PARP8: variants seen among roughly 807,000 people sequenced by gnomAD.
The protein encoded by PARP8 is poly(ADP-ribose) polymerase family member 8.
Under a neutral mutation model 124.1 loss-of-function variants are expected in PARP8, and 51 were observed. That is an observed-to-expected ratio of 0.41 (90% CI 0.33 to 0.52). The LOEUF (loss-of-function observed/expected upper bound fraction) is 0.52. Ranked by LOEUF, PARP8 falls within the 20% of genes least tolerant of loss-of-function variation. The pLI is 0.21. For synonymous variants in PARP8, 391 were observed against 361.5 expected, an observed-to-expected ratio of 1.08 and a Z score of -0.93; for missense variants, 860 against 1,018.9, an observed-to-expected ratio of 0.84 and a Z score of 2.12.
intron 3 of PARP8, among the ~76,000 whole-genome samples, chr5:50,757,386 GT>G (rs1358440388): frequency 6.6e-6 from 1 of 152,086 alleles, no homozygotes; most frequent in Non-Finnish European, 1.5e-5. Flanking sequence ...AATTGAACCA[GT>G]TTTCTAGGTT....
chr5:50,688,475 A>G (rs1275998992), intron 2 of PARP8, among the ~76,000 whole-genome samples: 1 of 152,224 alleles, frequency 6.6e-6, no homozygotes, highest in African/African-American at 2.4e-5. Context: ...AATATGTCAT[A>G]ATGAACAAAC....
chr5:50,795,183 C>T lies in PARP8; in HGVS notation c.1194C>T (p.Asn398=). 6.2e-7 allele frequency: 1 copy of T among 1,614,152 alleles called. No individual in the cohort carries two copies. The highest frequency in any genetic ancestry group is 8.5e-7 in the Non-Finnish European group (1 of 1,180,002). ...SCSGDPRCEH[N]TNLKPHKLLS... ...CTGGAGATCCACGATGTGAGCACAACACAAACTTGAAGCCCCATAAACTGT... is the reference window on the plus strand; with the variant it reads ...CTGGAGATCCACGATGTGAGCACAATACAAACTTGAAGCCCCATAAACTGT... The change falls in exon 12 of 26, where the codon AAC becomes AAT. Residue 398 remains asparagine (N), a synonymous_variant. Coordinates refer to ENST00000281631, the MANE Select transcript of PARP8 (RefSeq NM_024615.4).
At chr5:50,729,446 T>C (rs78771103) in intron 2 of PARP8, among the ~76,000 whole-genome samples, 2,140 of 152,274 alleles carry the variant, frequency 0.014, 36 homozygotes, top group Non-Finnish European at 0.025. Context: ...GAAAGGTATT[T>C]GGACCAAAGG....
At chr5:50,671,171 TTC>T (rs1472193993) in intron 2 of PARP8, among the ~76,000 whole-genome samples, 1 of 152,230 alleles carries the variant, frequency 6.6e-6, no homozygotes, top group Non-Finnish European at 1.5e-5. Flanking sequence ...CATACTTATC[TTC>T]TGTCTCTTTC....
chr5:50,759,865 A>G, intron 4 of PARP8, 133 bp downstream of exon 4: 2 of 1,096,954 alleles, frequency 1.8e-6, no homozygotes, highest in Non-Finnish European at 2.4e-6. Flanking sequence ...CTCCATACAA[A>G]TTTTCTATCT....
At chr5:50,732,362 T>C (rs1458645568) in intron 2 of PARP8, among the ~76,000 whole-genome samples, 3 of 152,234 alleles carry the variant, frequency 2.0e-5, no homozygotes, top group African/African-American at 7.2e-5. Context: ...ATATTACTTA[T>C]AATTTTTAAA....
chr5:50,799,206 C>T (rs1472516750), intron 14 of PARP8, among the ~76,000 whole-genome samples: 5 of 152,214 alleles, frequency 3.3e-5, no homozygotes, highest in Non-Finnish European at 5.9e-5. Context: ...TTATGTCTTA[C>T]ATTTAAGTCA....
In PARP8 at chr5:50,667,170, G is replaced by A. The variant is rs1279574530; in HGVS notation, c.75G>A (p.Lys25=). The change falls in exon 1 of 26, where the codon AAG becomes AAA. Residue 25 remains lysine, a synonymous_variant. Coordinates refer to ENST00000281631, the MANE Select transcript of PARP8 (RefSeq NM_024615.4). ...TGATCCAGAAGTCCAGAGCTGAGAA[G>A]GACTGCCTGTTTGCAGGTGAGTTCT... ...DVVIQKSRAE[K]DCLFADFRYS... 14 of 1,596,282 alleles carry A rather than the reference G, an allele frequency of 8.8e-6. No homozygotes were observed. The East Asian group carries it at 2.2e-4, about 25-fold the overall frequency.
chr5:50,670,000 T>C (rs1749819753), intron 2 of PARP8, among the ~76,000 whole-genome samples: 1 of 152,230 alleles, frequency 6.6e-6, no homozygotes. Context: ...AAATACAATA[T>C]GTAAAAAGTT....
chr5:50,759,741 A>G lies in PARP8; in HGVS notation c.274+9A>G. Reference sequence around the variant, plus strand: ...TCATAGAATAGCAACAGGTAATAGTAGTATTATTTTTTATACTAGGTTAAT... The same window carrying G: ...TCATAGAATAGCAACAGGTAATAGTGGTATTATTTTTTATACTAGGTTAAT... On this transcript the variant is annotated intron_variant, in intron 4 of 25. Coordinates refer to ENST00000281631, the MANE Select transcript of PARP8 (RefSeq NM_024615.4). 1 of 1,549,428 alleles carries G rather than the reference A, an allele frequency of 6.5e-7. No individual in the cohort carries two copies. The highest frequency in any genetic ancestry group is 8.6e-7 in the Non-Finnish European group (1 of 1,158,804).
rs1185028854 is a variant in PARP8 at position 50,682,532 on chromosome 5, G to A, written c.146+14407G>A. On this transcript the variant is annotated intron_variant, in intron 2 of 25. Coordinates refer to ENST00000281631, the MANE Select transcript of PARP8 (RefSeq NM_024615.4). ...ACCTTGTTACTGCAGAAATGTAGAAGTTTGACATTTTAAGTATCAAATATT... is the reference window on the plus strand; with the variant it reads ...ACCTTGTTACTGCAGAAATGTAGAAATTTGACATTTTAAGTATCAAATATT... 2.0e-5 allele frequency among the ~76,000 whole-genome samples: 3 copies of A among 152,162 alleles called. No homozygotes were observed. The East Asian group carries it at 5.8e-4, about 29-fold the overall frequency.
intron 2 of PARP8, among the ~76,000 whole-genome samples, chr5:50,693,771 G>T: frequency 6.6e-6 from 1 of 151,142 alleles, no homozygotes; most frequent in Middle Eastern, 3.5e-3. Flanking sequence ...AAGCTATGTG[G>T]ATTAATTATA....
At chr5:50,695,627 C>T (rs1344931323) in intron 2 of PARP8, among the ~76,000 whole-genome samples, 1 of 152,068 alleles carries the variant, frequency 6.6e-6, no homozygotes, top group African/African-American at 2.4e-5. Flanking sequence ...CGATTTCATT[C>T]TAATATTTGC....
intron 3 of PARP8, among the ~76,000 whole-genome samples, chr5:50,758,731 C>G (rs1760226489): frequency 6.6e-6 from 1 of 152,092 alleles, no homozygotes; most frequent in Non-Finnish European, 1.5e-5. Context: ...AAAAGCTCTT[C>G]TGAGAGATGC....
intron 25 of PARP8, among the ~76,000 whole-genome samples, chr5:50,838,915 A>G (rs774149195): frequency 6.6e-6 from 1 of 151,144 alleles, no homozygotes; most frequent in African/African-American, 2.4e-5. Context: ...ACCTTCCCTG[A>G]CCTCCCAGTC....
chr5:50,773,768 T>A (rs1580290930), intron 7 of PARP8, among the ~76,000 whole-genome samples: 1 of 152,174 alleles, frequency 6.6e-6, no homozygotes, highest in African/African-American at 2.4e-5. Context: ...TTAATAATAT[T>A]CTTCCATCCA....
At chr5:50,675,749 C>G (rs1373879875) in intron 2 of PARP8, among the ~76,000 whole-genome samples, 1 of 151,934 alleles carries the variant, frequency 6.6e-6, no homozygotes, top group Admixed American at 6.6e-5. Context: ...CCTTTCACAT[C>G]TGTGAAGGAA....
At chr5:50,667,589 C>G in intron 1 of PARP8, 1 of 699,214 alleles carries the variant, frequency 1.4e-6, no homozygotes, top group Non-Finnish European at 2.6e-6. Context: ...GCCTGCTGCG[C>G]TGCGCTGCGC....
intron 16 of PARP8, among the ~76,000 whole-genome samples, chr5:50,821,644 C>T (rs1748316530): frequency 6.6e-6 from 1 of 152,146 alleles, no homozygotes; most frequent in Non-Finnish European, 1.5e-5. Flanking sequence ...TTAGTTCATA[C>T]TGTTAATGGA....
Sources: allele counts gnomAD v4.1 joint callset (sites outside exome capture counted in the v4.1 genomes callset), GRCh38; gene constraint gnomAD v4.1.1; transcripts MANE v1.5; gene names NCBI Gene and HGNC (gene_info 2026-07-23, HGNC 2026-07-21).